Variants in CADPS observed in about 807,000 individuals in gnomAD.
CADPS encodes the protein calcium-dependent secretion activator 1.
In CADPS, 57 loss-of-function variants were observed where a neutral mutation model predicts 167.3. That is an observed-to-expected ratio of 0.34 (90% CI 0.28 to 0.42). The LOEUF (loss-of-function observed/expected upper bound fraction) is 0.42. Ranked by LOEUF, CADPS falls within the 20% of genes least tolerant of loss-of-function variation. The pLI, the probability that CADPS is intolerant of heterozygous loss-of-function variation, is 1.00. For synonymous variants in CADPS, 676 were observed against 635.3 expected, an observed-to-expected ratio of 1.06 and a Z score of -0.96; for missense variants, 1,414 against 1,738.1, an observed-to-expected ratio of 0.81 and a Z score of 3.32.
intron 3 of CADPS, among the ~76,000 whole-genome samples, chr3:62,673,335 T>C (rs917798491): frequency 1.3e-4 from 20 of 152,198 alleles, no homozygotes; most frequent in Non-Finnish European, 2.9e-5. Flanking sequence ...GAAATCTGAA[T>C]GCAAATGGTT....
intron 1 of CADPS, among the ~76,000 whole-genome samples, chr3:62,785,674 C>T (rs904065193): frequency 2.0e-5 from 3 of 152,262 alleles, no homozygotes; most frequent in South Asian, 4.1e-4. Context: ...ATCAACACTG[C>T]TTATTTCTCA....
At chr3:62,402,240 G>T (rs1415316115) in intron 29 of CADPS, among the ~76,000 whole-genome samples, 1 of 8,572 alleles carries the variant, frequency 1.2e-4, no homozygotes, top group Non-Finnish European at 3.4e-4. Flanking sequence ...GGGTGGGGGC[G>T]GGGGGGGGGG....
chr3:62,578,389 T>C (rs2152506920), intron 8 of CADPS, among the ~76,000 whole-genome samples: 1 of 151,930 alleles, frequency 6.6e-6, no homozygotes, highest in East Asian at 1.9e-4. Flanking sequence ...GGCAGGCAGA[T>C]CATGAGGTCA....
intron 18 of CADPS, among the ~76,000 whole-genome samples, chr3:62,496,174 C>G (rs2064754175): frequency 6.6e-6 from 1 of 151,310 alleles, no homozygotes; most frequent in African/African-American, 2.4e-5. Context: ...GAAGAAAAAC[C>G]CTATGTTTAG....
rs115794234 is a variant in CADPS at position 62,818,355 on chromosome 3, A to G, written c.442-52371T>C. Among the ~76,000 whole-genome samples the G allele has an allele frequency of 7.6e-3, 1,153 of 152,270 alleles. 17 individuals carry two copies. The highest frequency in any genetic ancestry group is 0.026 in the African/African-American group (1,068 of 41,570). ...CTACAACTCAATAGCAAAAAGTCCAATCACCGAATTTGTAAAATAGACAAA... is the reference window on the plus strand; with the variant it reads ...CTACAACTCAATAGCAAAAAGTCCAGTCACCGAATTTGTAAAATAGACAAA... On this transcript the variant is annotated intron_variant, in intron 1 of 29. Transcript: ENST00000383710.
chr3:62,448,968 G>C (rs1310609239), intron 26 of CADPS, among the ~76,000 whole-genome samples: 1 of 152,152 alleles, frequency 6.6e-6, no homozygotes, highest in Non-Finnish European at 1.5e-5. Context: ...GGGGATTCTG[G>C]CAGTATATTC....
intron 28 of CADPS, among the ~76,000 whole-genome samples, chr3:62,431,035 T>C (rs1030007999): frequency 1.3e-5 from 2 of 151,860 alleles, no homozygotes; most frequent in Admixed American, 1.3e-4. Flanking sequence ...GACATGCTCT[T>C]TAGCTTCATA....
At chr3:62,652,388 T>A (rs2070381827) in intron 4 of CADPS, among the ~76,000 whole-genome samples, 1 of 128,410 alleles carries the variant, frequency 7.8e-6, no homozygotes, top group Non-Finnish European at 1.6e-5. Context: ...GGTATGCCAA[T>A]TCTGTGTGGC....
rs562776806 is a variant in CADPS, at chr3:62,514,196, G to A, written c.2582-1428C>T. 6.6e-6 allele frequency among the ~76,000 whole-genome samples: 1 copy of A among 152,144 alleles called. No homozygotes were observed. Among genetic ancestry groups the A allele is most frequent in the Non-Finnish European group, 1.5e-5 (1 of 67,948 alleles). On this transcript the variant is annotated intron_variant, in intron 16 of 29. Coordinates refer to ENST00000383710, the MANE Select transcript of CADPS (RefSeq NM_003716.4). This position sits in a 1 kb window ranked among gnomAD's most constrained non-coding sequence, Gnocchi z 4.2. The stretch of plus-strand genomic sequence containing the variant: ...TTTCTTCTCTGAGGGTAGGATCAGA[G>A]CCTTGTAAAAGAAAGTTGTCTGGTA...
At position 62,626,723 on chromosome 3, in the gene CADPS, G is replaced by A. The variant is rs527584388; in HGVS notation, c.1325+18999C>T. On this transcript the variant is annotated intron_variant, in intron 6 of 29. Transcript: ENST00000383710. ...ATTTACTAACATGGTTTTTACTGAA[G>A]TTATTTTTATGGCTACTCTATATTT... 749 of 546,880 alleles carry A rather than the reference G, an allele frequency of 1.4e-3. 5 individuals are homozygous for A. The highest frequency in any genetic ancestry group is 0.011 in the African/African-American group (575 of 52,434). The allele number at this position is 546,880 out of a possible 1,614,324, so 33.9% of individuals were successfully genotyped here.
chr3:62,404,826 GC>G (rs1326033955), intron 28 of CADPS: 1 of 148,318 alleles, frequency 6.7e-6, no homozygotes, highest in Non-Finnish European at 1.5e-5. Context: ...CTCCATGGAG[GC>G]AGGGTGTTTG....
intron 27 of CADPS, among the ~76,000 whole-genome samples, chr3:62,442,260 G>A (rs1332780012): frequency 6.7e-6 from 1 of 150,374 alleles, no homozygotes; most frequent in Admixed American, 6.6e-5. Context: ...TGCCCAGGCT[G>A]GAGTACAATG....
At chr3:62,853,737 G>C (rs1171272325) in intron 1 of CADPS, among the ~76,000 whole-genome samples, 2 of 152,034 alleles carry the variant, frequency 1.3e-5, no homozygotes, top group African/African-American at 2.4e-5. Context: ...GAGGCAGGCA[G>C]ATCACTTGAA....
chr3:62,727,715 G>T (rs1214329631), intron 3 of CADPS, among the ~76,000 whole-genome samples: 1 of 142,068 alleles, frequency 7.0e-6, no homozygotes, highest in Non-Finnish European at 1.5e-5. Flanking sequence ...TGTCTTGAGG[G>T]ACAGAACTAC....
rs183783729 is a variant in CADPS, at chr3:62,746,118, T to G, written c.888+7323A>C. On this transcript the variant is annotated intron_variant, in intron 3 of 29. Coordinates refer to ENST00000383710, the MANE Select transcript of CADPS (RefSeq NM_003716.4). ...AGCCTGTGGGCAAACAATGTTTGGA[T>G]GCCTCCCACAGTGAGTTATGCCCTA... Among the ~76,000 whole-genome samples the G allele has an allele frequency of 2.2e-4, 33 of 152,312 alleles. 1 individual carries two copies. The highest frequency in any genetic ancestry group is 2.0e-3 in the Admixed American group (31 of 15,296).
At chr3:62,516,794 T>C in intron 14 of CADPS, 151 bp from the exon 15 acceptor site, 1 of 593,836 alleles carries the variant, frequency 1.7e-6, no homozygotes, top group Non-Finnish European at 3.1e-6. Flanking sequence ...ATTCACACCA[T>C]ATATGTGTGT....
intron 4 of CADPS, among the ~76,000 whole-genome samples, chr3:62,660,750 T>C (rs1303552904): frequency 6.6e-6 from 1 of 152,214 alleles, no homozygotes; most frequent in African/African-American, 2.4e-5. Flanking sequence ...ATCAGGAGCC[T>C]GATGCTATTT....
At chr3:62,684,479 A>G (rs1310242143) in intron 3 of CADPS, among the ~76,000 whole-genome samples, 1 of 152,050 alleles carries the variant, frequency 6.6e-6, no homozygotes, top group African/African-American at 2.4e-5. Context: ...GGATATTGCA[A>G]ACTAAGATGT....
At chr3:62,589,615 T>A (rs901975814) in intron 7 of CADPS, among the ~76,000 whole-genome samples, 3 of 152,198 alleles carry the variant, frequency 2.0e-5, no homozygotes, top group African/African-American at 7.2e-5. Flanking sequence ...AGGTGATGAC[T>A]GTGGCTGCCT....
Sources: gnomAD v4.1 joint callset for allele counts (sites outside exome capture counted in the v4.1 genomes callset) on GRCh38, gnomAD v4.1.1 for gene constraint, Gnocchi (gnomAD v3.1) non-coding constraint, MANE v1.5 for transcripts, NCBI Gene and HGNC (gene_info 2026-07-23, HGNC 2026-07-21) for gene names.